The following MRE11 variants were observed in gnomAD, a reference collection of about 807,000 sequenced individuals.
MRE11 encodes MRE11 double strand break repair nuclease.
Under a neutral mutation model 91.7 loss-of-function variants are expected in MRE11, and 62 were observed. The observed-to-expected ratio is 0.68, with a 90% CI of 0.55 to 0.84. The LOEUF (loss-of-function observed/expected upper bound fraction) is 0.84. MRE11 is among the 40% of genes least tolerant of loss of function. The pLI is 0.00. For synonymous variants in MRE11, 273 were observed against 271.4 expected, an observed-to-expected ratio of 1.01 and a Z score of -0.06; for missense variants, 796 against 852.9, an observed-to-expected ratio of 0.93 and a Z score of 0.83.
Position 94,446,956 on chromosome 11 carries a change from G to A in MRE11, c.1783+263C>T, listed in dbSNP as rs555995346. 4.6e-5 allele frequency among the ~76,000 whole-genome samples: 7 copies of A among 152,250 alleles called. No individual in the cohort carries two copies. The South Asian group carries it at 8.3e-4, about 18-fold the overall frequency. On this transcript the variant is annotated intron_variant, in intron 15 of 19. Coordinates refer to ENST00000323929, the MANE Select transcript of MRE11 (RefSeq NM_005591.4). ...ATTAAATGTATCCAAAAGGTACTAC[G>A]TGACAAACACAGTGAAGCTTTTATA...
chr11:94,471,258 T>G (rs1380896678), intron 8 of MRE11, among the ~76,000 whole-genome samples: 8 of 152,212 alleles, frequency 5.3e-5, no homozygotes, highest in Non-Finnish European at 1.5e-5. Context: ...TAGGATAATT[T>G]TTTATAATGA....
intron 11 of MRE11, 23 bp downstream of exon 11, chr11:94,464,090 C>G: frequency 2.5e-6 from 4 of 1,605,906 alleles, no homozygotes; most frequent in Non-Finnish European, 3.4e-6. Flanking sequence ...CATTTTTTTA[C>G]CTCATAAAAA....
chr11:94,457,913 A>ACACACACG (rs1555008814), intron 13 of MRE11, among the ~76,000 whole-genome samples: 1 of 146,590 alleles, frequency 6.8e-6, no homozygotes, highest in Non-Finnish European at 1.5e-5. Flanking sequence ...ACACACACAC[A>ACACACACG]CCCCACACAG....
intron 14 of MRE11, among the ~76,000 whole-genome samples, chr11:94,455,465 C>T (rs1165911673): frequency 6.6e-6 from 1 of 151,908 alleles, no homozygotes. Context: ...ACTAACAGTA[C>T]ATAGTTTATA....
At chr11:94,466,002 A>G (rs1338014864) in intron 10 of MRE11, among the ~76,000 whole-genome samples, 1 of 152,180 alleles carries the variant, frequency 6.6e-6, no homozygotes, top group Non-Finnish European at 1.5e-5. Flanking sequence ...CAAAGGAAGA[A>G]GCATGTTCTC....
At chr11:94,466,818 C>G (rs1245691959) in intron 10 of MRE11, among the ~76,000 whole-genome samples, 14 of 152,162 alleles carry the variant, frequency 9.2e-5, no homozygotes, top group Admixed American at 8.5e-4. Context: ...AACAACAACA[C>G]TGCTGGTTTA....
the MRE11 span, among the ~76,000 whole-genome samples, chr11:94,501,306 T>C: frequency 6.6e-6 from 1 of 152,140 alleles, no homozygotes; most frequent in African/African-American, 2.4e-5. Context: ...CCTCATGTAA[T>C]TTTATGTTTT....
chr11:94,502,714 T>C, the MRE11 span, among the ~76,000 whole-genome samples: 1 of 152,162 alleles, frequency 6.6e-6, no homozygotes, highest in Admixed American at 6.5e-5. Flanking sequence ...CTCACTGTTG[T>C]CCAGGCTAGA....
At chr11:94,432,571 G>A (rs1184454220) in intron 18 of MRE11, among the ~76,000 whole-genome samples, 1 of 152,224 alleles carries the variant, frequency 6.6e-6, no homozygotes, top group Admixed American at 6.5e-5. Flanking sequence ...CACTTGGGAG[G>A]CCGAGGCGGG....
At chr11:94,445,268 G>T (rs1945893105) in intron 16 of MRE11, among the ~76,000 whole-genome samples, 1 of 152,154 alleles carries the variant, frequency 6.6e-6, no homozygotes, top group Non-Finnish European at 1.5e-5. Context: ...AACAGAAACA[G>T]CATTTGTCTG....
upstream of MRE11, chr11:94,497,138 G>A (rs1947428012): frequency 8.2e-5 from 58 of 709,248 alleles, no homozygotes; most frequent in Middle Eastern, 7.3e-4. Flanking sequence ...GGGGGTTTAA[G>A]GATAATTATC....
intron 3 of MRE11, among the ~76,000 whole-genome samples, chr11:94,489,206 G>A (rs994343190): frequency 6.6e-6 from 1 of 152,008 alleles, no homozygotes; most frequent in Non-Finnish European, 1.5e-5. Flanking sequence ...TATCAGGGAA[G>A]ACGTCTCCAA....
intron 14 of MRE11, among the ~76,000 whole-genome samples, chr11:94,453,785 A>T (rs1298005125): frequency 6.6e-6 from 1 of 152,016 alleles, no homozygotes; most frequent in Non-Finnish European, 1.5e-5. Context: ...TTCACTATTG[A>T]TAGTGCCTGG....
intron 12 of MRE11, among the ~76,000 whole-genome samples, chr11:94,460,411 T>G (rs957063710): frequency 1.3e-5 from 2 of 152,226 alleles, no homozygotes; most frequent in Non-Finnish European, 2.9e-5. Flanking sequence ...TCTTTGTTTG[T>G]AGAATAATTC....
intron 18 of MRE11, among the ~76,000 whole-genome samples, chr11:94,433,017 A>G (rs1298693193): frequency 1.3e-5 from 2 of 152,186 alleles, no homozygotes; most frequent in Non-Finnish European, 2.9e-5. Context: ...TATATGGCAC[A>G]ATGTAAATGC....
chr11:94,480,134 T>C (rs1227103332), intron 4 of MRE11, among the ~76,000 whole-genome samples: 1 of 152,092 alleles, frequency 6.6e-6, no homozygotes, highest in South Asian at 2.1e-4. Flanking sequence ...AAGAGGTAGA[T>C]TAAAACTCCC....
chr11:94,490,924 A>G lies in MRE11; in HGVS notation c.62T>C (p.Ile21Thr), dbSNP rs1475558133. 1.9e-6 allele frequency: 3 copies of G among 1,562,306 alleles called. No individual in the cohort carries two copies. Among genetic ancestry groups the G allele is most frequent in the Non-Finnish European group, 2.6e-6 (3 of 1,133,446 alleles). ...NTFKILVATD[I>T]HLGFMEKDAV... is the part of the protein sequence containing the mutation. ...ATCTTTCTCCATAAATCCAAGATGA[A>G]TATCTGTTGCAACTAATATTTTAAA... The change falls in exon 3 of 20, where the codon ATT becomes ACT. Residue 21 changes from isoleucine to threonine, a missense_variant. Coordinates refer to ENST00000323929, the MANE Select transcript of MRE11 (RefSeq NM_005591.4).
At chr11:94,436,742 C>T (rs1352713029) in intron 17 of MRE11, among the ~76,000 whole-genome samples, 1 of 152,174 alleles carries the variant, frequency 6.6e-6, no homozygotes, top group Non-Finnish European at 1.5e-5. Context: ...TAGGGCAAAC[C>T]ACATGGATCG....
chr11:94,428,423 A>G (rs1236418783), intron 19 of MRE11, among the ~76,000 whole-genome samples: 3 of 152,236 alleles, frequency 2.0e-5, no homozygotes, highest in Non-Finnish European at 4.4e-5. Context: ...AAGACCTCAT[A>G]CTATAATAAT....
Sources: allele counts gnomAD v4.1 joint callset (sites outside exome capture counted in the v4.1 genomes callset), GRCh38; gene constraint gnomAD v4.1.1; transcripts MANE v1.5; gene names NCBI Gene and HGNC (gene_info 2026-07-23, HGNC 2026-07-21).